The following SLX4 variants were observed in gnomAD, a reference collection of about 807,000 sequenced individuals.
SLX4 encodes the protein structure-specific endonuclease subunit SLX4.
In SLX4, 112 loss-of-function variants were observed where a neutral mutation model predicts 146.2. The observed-to-expected ratio is 0.77, with a 90% CI of 0.66 to 0.90. The LOEUF is 0.90. Among genes scored for constraint, SLX4 ranks in the 40% least tolerant of loss-of-function variants. SLX4 has a pLI of 0.00. For missense variants in SLX4, 2,563 were observed against 2,392.7 expected (o/e 1.07, Z -1.49); for synonymous variants, 1,061 against 997.7 (o/e 1.06, Z -1.20).
In SLX4 at chr16:3,589,769, T is replaced by TG; in HGVS notation, c.3868dup (p.His1290ProfsTer45). On this transcript the variant is annotated frameshift_variant, in exon 12 of 15. Coordinates refer to ENST00000294008, the MANE Select transcript of SLX4 (RefSeq NM_032444.4). LOFTEE classifies it high-confidence loss of function. This position sits in a 1 kb window ranked among gnomAD's most constrained non-coding sequence, Gnocchi z 6.2. ...GTTTCCTACTGAGGCCCTGGGCGTG[T>TG]GCTGAGTCACCGCCTGCACGGCCAG... The TG allele has an allele frequency of 1.2e-6, 2 of 1,613,692 alleles. No homozygotes were observed. The highest frequency in any genetic ancestry group is 1.6e-4 in the Middle Eastern group (1 of 6,062).
rs1237111574 is a variant in SLX4 at position 3,582,344 on chromosome 16, A to G, written c.5503T>C (p.Ter1835ArgextTer101). 6 of 1,610,698 alleles carry G rather than the reference A, an allele frequency of 3.7e-6. No homozygotes were observed. The highest frequency in any genetic ancestry group is 5.1e-6 in the Non-Finnish European group (6 of 1,179,878). Reference sequence around the variant, plus strand: ...GGGGTGGGGTCGGGATGGCCCCATCAGTTCCGCTCCACCTTCTTCTTGCCC... The same window carrying G: ...GGGGTGGGGTCGGGATGGCCCCATCGGTTCCGCTCCACCTTCTTCTTGCCC... Reference protein sequence around the residue: ...PRGKKKVERN* With the variant: ...PRGKKKVERNR Residue 1835 changes from the stop codon to arginine, a stop_lost, in exon 15 of 15, where the codon TGA becomes CGA. Transcript: ENST00000294008.
At chr16:3,595,401 G>A (rs1462635722) in intron 9 of SLX4, among the ~76,000 whole-genome samples, 1 of 152,236 alleles carries the variant, frequency 6.6e-6, no homozygotes, top group Non-Finnish European at 1.5e-5. Context: ...TCGTGGCAGA[G>A]CCCCCAGAGG....
At chr16:3,605,437 G>A (rs1230049802) in intron 3 of SLX4, among the ~76,000 whole-genome samples, 1 of 151,940 alleles carries the variant, frequency 6.6e-6, no homozygotes, top group Non-Finnish European at 1.5e-5. Context: ...TGTCCAGGCT[G>A]GTCTCGAACT....
intron 1 of SLX4, among the ~76,000 whole-genome samples, chr16:3,610,666 T>C (rs2040850289): frequency 1.3e-5 from 2 of 152,232 alleles, no homozygotes; most frequent in African/African-American, 4.8e-5. Flanking sequence ...CTTGTGTTTT[T>C]ATTCATCGGC....
chr16:3,586,920 C>T (rs2040514553), intron 12 of SLX4, among the ~76,000 whole-genome samples: 1 of 151,980 alleles, frequency 6.6e-6, no homozygotes, highest in African/African-American at 2.4e-5. Context: ...CAGACACAGA[C>T]ACAAAAGGCC....
In SLX4 at chr16:3,583,420, G is replaced by T. The variant is rs370775954; in HGVS notation, c.4830C>A (p.Ser1610=). ...QYTHQTLDSD[S]EDESQSSQPL... is the part of the protein sequence containing the mutation. ...GCTGTGAGGACTGGCTCTCGTCCTCGGAGTCTGAGTCCAGGGTCTGGTGAG... is the reference window on the plus strand; with the variant it reads ...GCTGTGAGGACTGGCTCTCGTCCTCTGAGTCTGAGTCCAGGGTCTGGTGAG... The change falls in exon 14 of 15, where the codon TCC becomes TCA. Residue 1610 remains serine (S), a synonymous_variant. Transcript: ENST00000294008. 2.5e-6 allele frequency: 4 copies of T among 1,613,920 alleles called. No homozygotes were observed. Among genetic ancestry groups the T allele is most frequent in the Non-Finnish European group, 3.4e-6 (4 of 1,179,836 alleles).
chr16:3,586,103 C>G (rs147629166), intron 12 of SLX4, among the ~76,000 whole-genome samples: 1 of 152,254 alleles, frequency 6.6e-6, no homozygotes, highest in South Asian at 2.1e-4. Context: ...CCTCACAATG[C>G]TAAACACAGT....
Position 3,597,770 on chromosome 16 carries a change from C to T in SLX4, c.1366+27G>A, listed in dbSNP as rs2040680616. 1 of 1,614,126 alleles carries T rather than the reference C, an allele frequency of 6.2e-7. No individual in the cohort carries two copies. Among genetic ancestry groups the T allele is most frequent in the African/African-American group, 1.3e-5 (1 of 75,044 alleles). On this transcript the variant is annotated intron_variant, in intron 6 of 14. Transcript: ENST00000294008. The surrounding 1 kb of genome is among the most constrained non-coding windows in gnomAD (Gnocchi z 4.4). Reference sequence around the variant, plus strand: ...CCCGGGACCTGCTGATGGCCTCTCCCAGGGTCACTCTTCTGATCACACAAA... The same window carrying T: ...CCCGGGACCTGCTGATGGCCTCTCCTAGGGTCACTCTTCTGATCACACAAA...
Position 3,589,989 on chromosome 16 carries a change from CCTG to C in SLX4, c.3646_3648del (p.Gln1216del). The C allele has an allele frequency of 6.2e-7, 1 of 1,614,098 alleles. No individual in the cohort carries two copies. The highest frequency in any genetic ancestry group is 8.5e-7 in the Non-Finnish European group (1 of 1,180,042). On this transcript the variant is annotated inframe_deletion, in exon 12 of 15. Transcript: ENST00000294008. The surrounding 1 kb of genome is among the most constrained non-coding windows in gnomAD (Gnocchi z 6.2). The stretch of plus-strand genomic sequence containing the variant: ...TTCTCCGGCAGCGCCCCCTCATCCT[CCTG>C]CTGCAGCACAGCTTCGCTTCTTGGT...
chr16:3,590,334 C>G lies in SLX4; in HGVS notation c.3304G>C (p.Glu1102Gln), dbSNP rs753749613. Residue 1102 changes from glutamate to glutamine, a missense_variant, in exon 12 of 15, where the codon GAG becomes CAG. Coordinates refer to ENST00000294008, the MANE Select transcript of SLX4 (RefSeq NM_032444.4). The surrounding 1 kb of genome is among the most constrained non-coding windows in gnomAD (Gnocchi z 4.8). ...CTGCACTCCAGCACGGACCGACGCT[C>G]TTTGCCTTTCTGGTGCCCTGGCTCT... ...SKEPGHQKGK[E>Q]RRSVLECRNK... 1.9e-6 allele frequency: 3 copies of G among 1,614,214 alleles called. No individual in the cohort carries two copies. The highest frequency in any genetic ancestry group is 2.5e-6 in the Non-Finnish European group (3 of 1,180,034).
chr16:3,589,019 T>C lies in SLX4; in HGVS notation c.4619A>G (p.Glu1540Gly), dbSNP rs2040540092. ...CTACTCACTGGGTGTCTCTAACCCT[T>C]CGGGCTTCTGAGCTCCACCAGCGCT... ...MPSAGGAQKP[E>G]GLETPKGANR... The change falls in exon 12 of 15, where the codon GAA becomes GGA. Residue 1540 changes from glutamate to glycine, a missense_variant. Physicochemically the swap from Glu to Gly is moderately conservative, Grantham distance 98. Transcript: ENST00000294008. The surrounding 1 kb of genome is among the most constrained non-coding windows in gnomAD (Gnocchi z 6.2). The C allele has an allele frequency of 6.2e-7, 1 of 1,613,978 alleles. No individual in the cohort carries two copies. The highest frequency in any genetic ancestry group is 1.7e-5 in the Admixed American group (1 of 59,996).
rs1567170105 is a variant in SLX4, at chr16:3,590,170, G to C, written c.3468C>G (p.Asp1156Glu). Residue 1156 changes from aspartate to glutamate, a missense_variant, in exon 12 of 15, where the codon GAC (aspartate) becomes GAG (glutamate). Transcript: ENST00000294008. This position sits in a 1 kb window ranked among gnomAD's most constrained non-coding sequence, Gnocchi z 4.8. ...NEEDEVILLL[D>E]SDEELELEQT... ...GTTCTAGCTCCAGCTCCTCATCCGA[G>C]TCCAGTAAGAGGATGACCTCATCTT... 6.2e-7 allele frequency: 1 copy of C among 1,614,182 alleles called. No individual in the cohort carries two copies. Among genetic ancestry groups the C allele is most frequent in the Non-Finnish European group, 8.5e-7 (1 of 1,180,034 alleles).
At chr16:3,610,863 C>G (rs548087911) in intron 1 of SLX4, among the ~76,000 whole-genome samples, 2 of 152,060 alleles carry the variant, frequency 1.3e-5, no homozygotes. Flanking sequence ...GAAAACGCTG[C>G]GGGGAGAGGA....
rs368558872 is a variant in SLX4, at chr16:3,602,589, A to C, written c.761-282T>G. ...ATTCAAGGGGTCCAGGTGCAGCCTG[A>C]GACTCTCCGCATTTCTAGCAGCCTC... On this transcript the variant is annotated intron_variant, in intron 3 of 14. Coordinates refer to ENST00000294008, the MANE Select transcript of SLX4 (RefSeq NM_032444.4). Among the ~76,000 whole-genome samples, 10 of 152,172 alleles carry C rather than the reference A, an allele frequency of 6.6e-5. No individual in the cohort carries two copies. The East Asian group carries it at 1.5e-3, about 23-fold the overall frequency.
chr16:3,589,392 C>CCCCCAA lies in SLX4; in HGVS notation c.4245_4246insTTGGGG (p.Leu1415_Asp1416insLeuGly). 1 of 1,598,456 alleles carries CCCCCAA rather than the reference C, an allele frequency of 6.3e-7. No homozygotes were observed. ...TCAATTGGAATTGGGGGGTCACTGTCCAGTGGGGGGCTTCTGTTGGCCTGA... is the reference window on the plus strand; with the variant it reads ...TCAATTGGAATTGGGGGGTCACTGTCCCCCAACAGTGGGGGGCTTCTGTTGGCCTGA... On this transcript the variant is annotated inframe_insertion, in exon 12 of 15. Transcript: ENST00000294008. This position sits in a 1 kb window ranked among gnomAD's most constrained non-coding sequence, Gnocchi z 6.2.
intron 2 of SLX4, among the ~76,000 whole-genome samples, chr16:3,607,425 T>TTA (rs1290158655): frequency 6.6e-6 from 1 of 152,178 alleles, no homozygotes; most frequent in African/African-American, 2.4e-5. Context: ...CCATGGTGTA[T>TTA]TATATATGCA....
chr16:3,606,516 T>G lies in SLX4; in HGVS notation c.718A>C (p.Asn240His), dbSNP rs114744903. ...TCCTCTTGAGGATCCTTTGGGACAT[T>G]TTCTTCCCGCGCAGCCTCGAGGGAG... is the stretch of plus-strand genomic sequence containing the variant. ...ECSLEAAREE[N>H]VPKDPQEEMM... is the part of the protein sequence containing the mutation. The change falls in exon 3 of 15, where the codon AAT becomes CAT. Residue 240 changes from asparagine (N) to histidine (H), a missense_variant. Asn to His is a moderately conservative substitution (Grantham distance 68, BLOSUM62 1). Coordinates refer to ENST00000294008, the MANE Select transcript of SLX4 (RefSeq NM_032444.4). 6.2e-7 allele frequency: 1 copy of G among 1,614,182 alleles called. No homozygotes were observed. The highest frequency in any genetic ancestry group is 2.2e-5 in the East Asian group (1 of 44,890).
chr16:3,592,759 T>C lies in SLX4; in HGVS notation c.2267A>G (p.Tyr756Cys). The part of the protein sequence containing the change: ...EAARTFLHYL[Y>C]TADTGLPPGL... ...AGGAGGAAGGCCAGTGTCCGCAGTG[T>C]AGAGATAGTGCAGGAACGTGCGGGC... Residue 756 changes from tyrosine (Y) to cysteine (C), a missense_variant, in exon 11 of 15, where the codon TAC becomes TGC. Physicochemically the swap from Tyr to Cys is radical, Grantham distance 194. Transcript: ENST00000294008. The C allele has an allele frequency of 1.2e-6, 2 of 1,613,186 alleles. No individual in the cohort carries two copies. Among genetic ancestry groups the C allele is most frequent in the Non-Finnish European group, 1.7e-6 (2 of 1,180,004 alleles).
chr16:3,587,565 C>G (rs1596518608), intron 12 of SLX4, among the ~76,000 whole-genome samples: 1 of 152,286 alleles, frequency 6.6e-6, no homozygotes, highest in South Asian at 2.1e-4. Context: ...GCTCTGTCTC[C>G]TGAGAAAAGC....
Sources: allele counts gnomAD v4.1 joint callset (sites outside exome capture counted in the v4.1 genomes callset), GRCh38; gene constraint gnomAD v4.1.1; non-coding constraint Gnocchi (gnomAD v3.1); transcripts MANE v1.5; gene names NCBI Gene and HGNC (gene_info 2026-07-23, HGNC 2026-07-21).